Variants in TAF4 observed in about 807,000 individuals in gnomAD.
The protein encoded by TAF4 is transcription initiation factor TFIID subunit 4.
A neutral mutation model predicts 90.3 loss-of-function variants in TAF4; 9 were observed. The ratio of observed to expected loss-of-function variants is 0.10; its 90% CI spans 0.06 to 0.17. TAF4 has a LOEUF of 0.17. TAF4 is among the 10% of genes least tolerant of loss of function. The probability of loss-of-function intolerance (pLI) is 1.00; values close to 1 mark genes in which losing one functional copy is unlikely to be tolerated. For synonymous variants in TAF4, 818 were observed against 638.9 expected, an observed-to-expected ratio of 1.28 and a Z score of -4.23; for missense variants, 1,351 against 1,370.7, an observed-to-expected ratio of 0.99 and a Z score of 0.23.
intron 1 of TAF4, among the ~76,000 whole-genome samples, chr20:62,055,917 C>T (rs1352175529): frequency 6.6e-6 from 1 of 152,236 alleles, no homozygotes; most frequent in African/African-American, 2.4e-5. Flanking sequence ...CAGCCTTCCC[C>T]CGTGGCCCAG....
chr20:62,017,052 G>C (rs2055815976), intron 1 of TAF4, among the ~76,000 whole-genome samples: 1 of 151,536 alleles, frequency 6.6e-6, no homozygotes, highest in Non-Finnish European at 1.5e-5. Flanking sequence ...AGGGTGGGAG[G>C]ATCATCTGAG....
chr20:62,042,470 T>C (rs569315553), intron 1 of TAF4, among the ~76,000 whole-genome samples: 84 of 152,328 alleles, frequency 5.5e-4, no homozygotes, highest in Non-Finnish European at 9.7e-4. Context: ...CGCCTGACTC[T>C]CTGCTGAGCT....
At chr20:62,015,134 C>G (rs577132624) in intron 1 of TAF4, among the ~76,000 whole-genome samples, 14 of 152,344 alleles carry the variant, frequency 9.2e-5, no homozygotes, top group Admixed American at 7.8e-4. Context: ...GGCCCATACT[C>G]CAGGGTCTCC....
intron 1 of TAF4, among the ~76,000 whole-genome samples, chr20:62,025,730 G>A (rs2055870992): frequency 6.6e-6 from 1 of 152,206 alleles, no homozygotes; most frequent in Non-Finnish European, 1.5e-5. Flanking sequence ...CCAGCCTTGG[G>A]TATTTTTTTA....
intron 1 of TAF4, among the ~76,000 whole-genome samples, chr20:62,031,424 ATTTAACTCCC>A (rs2055903759): frequency 6.6e-6 from 1 of 152,198 alleles, no homozygotes; most frequent in Non-Finnish European, 1.5e-5. Context: ...ATCTGCACAT[ATTTAACTCCC>A]AAGACTCTAA....
intron 1 of TAF4, among the ~76,000 whole-genome samples, chr20:62,054,293 C>A (rs2056048040): frequency 1.3e-5 from 2 of 152,172 alleles, no homozygotes; most frequent in African/African-American, 4.8e-5. Context: ...AGAAGCTGGT[C>A]ACCTCTGTGA....
chr20:62,003,857 G>C lies in TAF4; in HGVS notation c.2245C>G (p.Pro749Ala). ...TPLVIQQPPKPGALIRPPQVT... is the reference protein window; with the variant it reads ...TPLVIQQPPKAGALIRPPQVT... ...TGCGGGGGCCGGATCAGGGCTCCTGGCTTCGGAGGCTGCTGGATGACCTGA... is the reference window on the plus strand; with the variant it reads ...TGCGGGGGCCGGATCAGGGCTCCTGCCTTCGGAGGCTGCTGGATGACCTGA... Residue 749 changes from proline to alanine, a missense_variant, in exon 8 of 15, where the codon CCA (proline) becomes GCA (alanine). Coordinates refer to ENST00000252996, the MANE Select transcript of TAF4 (RefSeq NM_003185.4). The C allele has an allele frequency of 1.3e-6, 2 of 1,579,548 alleles. No individual in the cohort carries two copies. Among genetic ancestry groups the C allele is most frequent in the South Asian group, 2.3e-5 (2 of 87,596 alleles).
chr20:62,004,896 G>C (rs542138251), intron 7 of TAF4: 2 of 152,436 alleles, frequency 1.3e-5, no homozygotes, highest in African/African-American at 2.4e-5. Context: ...CCTGTCCCCA[G>C]GATGCTGGGG....
intron 1 of TAF4, among the ~76,000 whole-genome samples, chr20:62,038,481 G>A (rs1159620028): frequency 2.0e-5 from 3 of 151,718 alleles, no homozygotes; most frequent in Non-Finnish European, 2.9e-5. Context: ...CACCGCGCCC[G>A]GCCAAAAGCA....
At chr20:62,049,745 C>A (rs1308692990) in intron 1 of TAF4, among the ~76,000 whole-genome samples, 3 of 152,016 alleles carry the variant, frequency 2.0e-5, no homozygotes, top group Admixed American at 6.5e-5. Context: ...AGGGCCCGGG[C>A]AGAGGTTCCA....
At chr20:62,017,215 T>C (rs527455234) in intron 1 of TAF4, among the ~76,000 whole-genome samples, 2 of 151,994 alleles carry the variant, frequency 1.3e-5, no homozygotes, top group Non-Finnish European at 2.9e-5. Flanking sequence ...AGTGCACACA[T>C]GGGAATGGGA....
At position 61,976,157 on chromosome 20, in the gene TAF4, G is replaced by A. The variant is rs142316115; in HGVS notation, c.*11C>T. On this transcript the variant is annotated 3_prime_UTR_variant, in exon 15 of 15. Coordinates refer to ENST00000252996, the MANE Select transcript of TAF4 (RefSeq NM_003185.4). The stretch of plus-strand genomic sequence containing the variant: ...GCAAATATATAAAAAGTCCCCAGGC[G>A]TCCTCCTGTGTCACTTAAGGAATGC... 3.5e-5 allele frequency: 57 copies of A among 1,612,774 alleles called. No homozygotes were observed. The East Asian group carries it at 1.0e-3, about 29-fold the overall frequency.
chr20:62,050,159 C>G (rs750013084), intron 1 of TAF4, among the ~76,000 whole-genome samples: 2 of 152,202 alleles, frequency 1.3e-5, no homozygotes, highest in Non-Finnish European at 2.9e-5. Flanking sequence ...CCAGAGCCCC[C>G]AGAGGACACT....
At position 62,004,087 on chromosome 20, in the gene TAF4, C is replaced by T. The variant is rs28382086; in HGVS notation, c.2224-209G>A. 4.8e-3 allele frequency among the ~76,000 whole-genome samples: 724 copies of T among 152,268 alleles called. 8 individuals carry two copies. The highest frequency in any genetic ancestry group is 0.017 in the African/African-American group (696 of 41,554). ...CGGCCAGACCAGGGCAGGACGTGGG[C>T]GAGGGGTGCCCGTGTGAGCACAGAA... On this transcript the variant is annotated intron_variant, in intron 7 of 14. Coordinates refer to ENST00000252996, the MANE Select transcript of TAF4 (RefSeq NM_003185.4).
chr20:61,980,480 C>A (rs2055533402), intron 14 of TAF4: 1 of 152,308 alleles, frequency 6.6e-6, no homozygotes, highest in Admixed American at 6.5e-5. Context: ...GCCGCACACA[C>A]TCCAGCCACC....
In TAF4 at chr20:62,000,488, G is replaced by A. The variant is rs570945628; in HGVS notation, c.2656+64C>T. 238 of 1,552,118 alleles carry A rather than the reference G, an allele frequency of 1.5e-4. 5 individuals are homozygous for A. In the South Asian group the frequency reaches 2.7e-3, roughly 18 times the overall value. Reference sequence around the variant, plus strand: ...GACCAGGTGTCAGGTGTGCTCACCTGAAGCTCCCATGCCCCAGCAGCGCAG... The same window carrying A: ...GACCAGGTGTCAGGTGTGCTCACCTAAAGCTCCCATGCCCCAGCAGCGCAG... On this transcript the variant is annotated intron_variant, in intron 10 of 14. Transcript: ENST00000252996.
intron 14 of TAF4, among the ~76,000 whole-genome samples, chr20:61,996,049 C>A (rs1381041541): frequency 1.3e-5 from 2 of 151,996 alleles, no homozygotes. Flanking sequence ...ATCCAGAGAA[C>A]CACAGCAAAA....
chr20:62,002,531 C>A (rs769581944), intron 9 of TAF4, among the ~76,000 whole-genome samples: 1 of 152,180 alleles, frequency 6.6e-6, no homozygotes, highest in Non-Finnish European at 1.5e-5. Flanking sequence ...CACTCTGTCA[C>A]CGACGCTGGC....
At chr20:62,047,618 G>A (rs1600860316) in intron 1 of TAF4, among the ~76,000 whole-genome samples, 2 of 152,314 alleles carry the variant, frequency 1.3e-5, no homozygotes, top group South Asian at 2.1e-4. Context: ...GACAGCGCTA[G>A]AGGCACCATC....
Sources: allele counts gnomAD v4.1 joint callset (sites outside exome capture counted in the v4.1 genomes callset), GRCh38; gene constraint gnomAD v4.1.1; transcripts MANE v1.5; gene names NCBI Gene and HGNC (gene_info 2026-07-23, HGNC 2026-07-21).